The following RNF17 variants were observed in gnomAD, a reference collection of about 807,000 sequenced individuals.
RNF17 encodes spermatogenesis associated 23.
A neutral mutation model predicts 200.5 loss-of-function variants in RNF17; 31 were observed. The ratio of observed to expected loss-of-function variants is 0.15; its 90% CI spans 0.12 to 0.21. RNF17 has a LOEUF of 0.21. Among genes scored for constraint, RNF17 ranks in the 10% least tolerant of loss-of-function variants. The probability of loss-of-function intolerance (pLI) is 1.00; values close to 1 mark genes in which losing one functional copy is unlikely to be tolerated. For missense variants in RNF17, 1,628 were observed against 1,905.1 expected (o/e 0.85, Z 2.71); for synonymous variants, 606 against 637.8 (o/e 0.95, Z 0.75).
chr13:24,874,343 G>C, intron 33 of RNF17, 94 bp downstream of exon 33: 1 of 1,027,886 alleles, frequency 9.7e-7, no homozygotes. Flanking sequence ...AAAGAAAAGG[G>C]TTATTCTAAG....
At chr13:24,756,139 A>G in the RNF17 span, among the ~76,000 whole-genome samples, 1 of 152,144 alleles carries the variant, frequency 6.6e-6, no homozygotes, top group Non-Finnish European at 1.5e-5. Context: ...ATTTGATATC[A>G]TACTTTTGAT....
chr13:24,878,085 C>G (rs927814941), intron 34 of RNF17, among the ~76,000 whole-genome samples: 1 of 152,242 alleles, frequency 6.6e-6, no homozygotes, highest in African/African-American at 2.4e-5. Flanking sequence ...GTTCAGTTCA[C>G]CTAGTCCTCA....
At position 24,802,579 on chromosome 13, in the gene RNF17, A is replaced by G; in HGVS notation, c.1949+8A>G. The G allele has an allele frequency of 6.3e-7, 1 of 1,580,818 alleles. No individual in the cohort carries two copies. Among genetic ancestry groups the G allele is most frequent in the Non-Finnish European group, 8.6e-7 (1 of 1,164,458 alleles). Reference sequence around the variant, plus strand: ...TTTTATGGAACTAGCAAAGTAAGTAACTTATTAAAACTTAAATATTCTTTG... The same window carrying G: ...TTTTATGGAACTAGCAAAGTAAGTAGCTTATTAAAACTTAAATATTCTTTG... On this transcript the variant is annotated splice_region_variant and intron_variant, in intron 14 of 35. Transcript: ENST00000255324.
chr13:24,809,770 G>A (rs1158281189), intron 15 of RNF17, among the ~76,000 whole-genome samples: 1 of 151,878 alleles, frequency 6.6e-6, no homozygotes, highest in Non-Finnish European at 1.5e-5. Flanking sequence ...TATCTCTTGT[G>A]GGCATTTAGT....
intron 27 of RNF17, among the ~76,000 whole-genome samples, chr13:24,861,955 C>G (rs1032399875): frequency 6.6e-6 from 1 of 152,152 alleles, no homozygotes; most frequent in African/African-American, 2.4e-5. Flanking sequence ...AGGAAACTTA[C>G]AGTTGTGGTG....
At chr13:24,782,610 G>C (rs577066783) in intron 6 of RNF17, among the ~76,000 whole-genome samples, 253 of 151,744 alleles carry the variant, frequency 1.7e-3, no homozygotes, top group African/African-American at 5.7e-3. Flanking sequence ...TGAGATGGGG[G>C]GGGGATCTTT....
At chr13:24,756,896 G>C in the RNF17 span, among the ~76,000 whole-genome samples, 1 of 152,238 alleles carries the variant, frequency 6.6e-6, no homozygotes, top group East Asian at 1.9e-4. Context: ...AAGACATCAT[G>C]ATACCAAATA....
intron 22 of RNF17, among the ~76,000 whole-genome samples, chr13:24,849,257 G>A (rs1240862168): frequency 1.3e-5 from 2 of 152,172 alleles, no homozygotes; most frequent in Non-Finnish European, 2.9e-5. Flanking sequence ...TATAGAGCCT[G>A]CATTATGTTA....
intron 3 of RNF17, among the ~76,000 whole-genome samples, chr13:24,776,827 CT>C (rs891378974): frequency 6.6e-6 from 1 of 151,954 alleles, no homozygotes; most frequent in African/African-American, 2.4e-5. Context: ...GTTGCCACAT[CT>C]TTTTTTTCTC....
At chr13:24,834,432 A>AAC (rs1281328703) in intron 18 of RNF17, among the ~76,000 whole-genome samples, 40 of 151,362 alleles carry the variant, frequency 2.6e-4, no homozygotes, top group East Asian at 1.9e-3. Context: ...CAACAACAAC[A>AAC]AGAACAACAA....
intron 1 of RNF17, 45 bp downstream of exon 1, chr13:24,764,378 G>T: frequency 6.6e-7 from 1 of 1,523,952 alleles, no homozygotes; most frequent in South Asian, 1.2e-5. Flanking sequence ...AGCCTGGAGG[G>T]AGCGCTGGGG....
intron 19 of RNF17, among the ~76,000 whole-genome samples, chr13:24,842,900 T>C (rs1890802050): frequency 6.6e-6 from 1 of 151,408 alleles, no homozygotes; most frequent in Admixed American, 6.6e-5. Context: ...GGCAGAAGAA[T>C]CACTTGAACC....
intron 24 of RNF17, 112 bp from the exon 25 acceptor site, chr13:24,853,743 A>G: frequency 1.3e-6 from 1 of 750,046 alleles, no homozygotes; most frequent in Non-Finnish European, 2.0e-6. Context: ...AACAAATTAG[A>G]GCAAATATTT....
intron 1 of RNF17, among the ~76,000 whole-genome samples, chr13:24,766,678 A>T (rs138682021): frequency 0.011 from 1,730 of 152,364 alleles, 11 homozygotes; most frequent in Middle Eastern, 0.024. Flanking sequence ...ACAGAGCTAG[A>T]TAGGAGTCTG....
At chr13:24,883,930 A>C, downstream of RNF17, 1 of 1,613,724 alleles carries the variant, frequency 6.2e-7, no homozygotes, top group Non-Finnish European at 8.5e-7. Flanking sequence ...TGTCACACTG[A>C]GTGGTTTTTC....
chr13:24,753,347 C>T, the RNF17 span, among the ~76,000 whole-genome samples: 1 of 152,180 alleles, frequency 6.6e-6, no homozygotes, highest in Admixed American at 6.5e-5. Context: ...AACACGTGGC[C>T]TCCTGATACT....
chr13:24,790,049 G>T (rs7329895), intron 9 of RNF17, among the ~76,000 whole-genome samples: 3,021 of 152,134 alleles, frequency 0.02, 101 homozygotes, highest in African/African-American at 0.07. Context: ...ATAAATGTCC[G>T]AGAAATTACA....
chr13:24,852,429 C>T (rs568707281), intron 24 of RNF17, among the ~76,000 whole-genome samples: 9 of 152,258 alleles, frequency 5.9e-5, no homozygotes, highest in Non-Finnish European at 7.4e-5. Context: ...TGAGCCACCA[C>T]GCTCGGCCTC....
intron 2 of RNF17, among the ~76,000 whole-genome samples, chr13:24,770,634 A>G (rs560725580): frequency 2.0e-5 from 3 of 152,308 alleles, no homozygotes; most frequent in South Asian, 2.1e-4. Context: ...CTAATAATAC[A>G]TGGCTACAAG....
Sources: allele counts gnomAD v4.1 joint callset (sites outside exome capture counted in the v4.1 genomes callset), GRCh38; gene constraint gnomAD v4.1.1; transcripts MANE v1.5; gene names NCBI Gene and HGNC (gene_info 2026-07-23, HGNC 2026-07-21).